The following PADI4 variants were observed in gnomAD, a reference collection of about 807,000 sequenced individuals.
PADI4 encodes the protein peptidyl arginine deiminase 4.
A neutral mutation model predicts 75.0 loss-of-function variants in PADI4; 62 were observed. That is an observed-to-expected ratio of 0.83 (90% CI 0.67 to 1.02). The LOEUF (loss-of-function observed/expected upper bound fraction) is 1.02. Among genes scored for constraint, PADI4 ranks in the 50% least tolerant of loss-of-function variants. The probability of loss-of-function intolerance (pLI) is 0.00; values close to 1 mark genes in which losing one functional copy is unlikely to be tolerated. For missense variants in PADI4, 845 were observed against 850.5 expected, an observed-to-expected ratio of 0.99 and a Z score of 0.08; for synonymous variants, 361 against 348.1, an observed-to-expected ratio of 1.04 and a Z score of -0.41.
rs1256806215 is a variant in PADI4 at position 17,346,307 on chromosome 1, A to C, written c.1047+168A>C. Among the ~76,000 whole-genome samples, 2 of 152,160 alleles carry C rather than the reference A, an allele frequency of 1.3e-5. No individual in the cohort carries two copies. Among genetic ancestry groups the C allele is most frequent in the Admixed American group, 1.3e-4 (2 of 15,276 alleles). On this transcript the variant is annotated intron_variant, in intron 9 of 15. Transcript: ENST00000375448. The surrounding 1 kb of genome is among the most constrained non-coding windows in gnomAD (Gnocchi z 4.3). ...TTGGGCCGGGAGGCTCAAGCAAGTGATTCATCTGACGTTTGCTGTGGGCCA... is the reference window on the plus strand; with the variant it reads ...TTGGGCCGGGAGGCTCAAGCAAGTGCTTCATCTGACGTTTGCTGTGGGCCA...
At chr1:17,354,407 A>C in intron 10 of PADI4, 126 bp from the exon 11 acceptor site, 1 of 782,768 alleles carries the variant, frequency 1.3e-6, no homozygotes, top group Non-Finnish European at 2.3e-6. Flanking sequence ...AGCACCTGCT[A>C]TGTGCCAGCT....
chr1:17,361,631 G>A (rs534672523), intron 15 of PADI4, among the ~76,000 whole-genome samples: 9 of 152,338 alleles, frequency 5.9e-5, no homozygotes, highest in African/African-American at 1.7e-4. Context: ...CATTGCAACG[G>A]AGATATGTGT....
At position 17,363,797 on chromosome 1, in the gene PADI4, G is replaced by A. The variant is rs367933628; in HGVS notation, c.*42G>A. 1.1e-5 allele frequency: 15 copies of A among 1,412,058 alleles called. No homozygotes were observed. Among genetic ancestry groups the A allele is most frequent in the South Asian group, 2.3e-5 (2 of 85,628 alleles). The allele number at this position is 1,412,058 out of a possible 1,614,324, so 87.5% of individuals were successfully genotyped here. ...GTCCTCTCCCTCCTGGCCAGATGTC[G>A]CTGGGTCCTCTGCAGTGTGGCAAGC... On this transcript the variant is annotated 3_prime_UTR_variant, in exon 16 of 16. Transcript: ENST00000375448.
rs368873178 is a variant in PADI4, at chr1:17,341,934, C to G, written c.653-9C>G. The G allele has an allele frequency of 6.2e-7, 1 of 1,611,010 alleles. No individual in the cohort carries two copies. The highest frequency in any genetic ancestry group is 1.3e-5 in the African/African-American group (1 of 74,914). On this transcript the variant is annotated splice_polypyrimidine_tract_variant and intron_variant, in intron 6 of 15. Transcript: ENST00000375448. ...ACGCAGACCTGAGTCTCCCCTGCCT[C>G]TCTCCTAGGGGGCAAACTGTCCTCC...
intron 8 of PADI4, among the ~76,000 whole-genome samples, chr1:17,344,662 G>A (rs982535116): frequency 3.9e-5 from 6 of 151,994 alleles, no homozygotes; most frequent in African/African-American, 1.4e-4. Context: ...CTCAGGCTGT[G>A]GCTTCAGAGG....
chr1:17,340,826 A>G (rs1570049720), intron 6 of PADI4, among the ~76,000 whole-genome samples: 2 of 125,844 alleles, frequency 1.6e-5, no homozygotes, highest in African/African-American at 6.3e-5. Context: ...TTTTTGAGAG[A>G]GTCTCACTCT....
chr1:17,346,188 G>A lies in PADI4; in HGVS notation c.1047+49G>A. On this transcript the variant is annotated intron_variant, in intron 9 of 15. Transcript: ENST00000375448. The surrounding 1 kb of genome is among the most constrained non-coding windows in gnomAD (Gnocchi z 4.3). ...GGGTGACTGTCCCTGAGGGCCAAGA[G>A]ACACTTGGGGGACCCGGGCTCCTGG... 3 of 1,248,902 alleles carry A rather than the reference G, an allele frequency of 2.4e-6. No homozygotes were observed. The highest frequency in any genetic ancestry group is 3.5e-6 in the Non-Finnish European group (3 of 854,002). 77.4% of individuals were successfully genotyped at this position (1,248,902 alleles called of 1,614,324 possible).
chr1:17,341,819 C>G lies in PADI4; in HGVS notation c.653-124C>G, dbSNP rs537393970. ...TAAGGGGACTGGCCAGATTTGGCTG[C>G]AAGGGGTTCTCTGATGGTGCCATGT... On this transcript the variant is annotated intron_variant, in intron 6 of 15. Coordinates refer to ENST00000375448, the MANE Select transcript of PADI4 (RefSeq NM_012387.3). 1.1e-4 allele frequency: 74 copies of G among 684,268 alleles called. 1 individual carries two copies. The highest frequency in any genetic ancestry group is 1.1e-3 in the African/African-American group (59 of 55,544). The allele number at this position is 684,268 out of a possible 1,614,324, so 42.4% of individuals were successfully genotyped here. A position where few individuals can be genotyped will look rare whatever the true frequency, so the allele number is the denominator to read the frequency against.
intron 1 of PADI4, among the ~76,000 whole-genome samples, chr1:17,310,789 C>A (rs868763762): frequency 6.6e-6 from 1 of 152,134 alleles, no homozygotes; most frequent in Middle Eastern, 3.4e-3. Flanking sequence ...GGGGAAACCC[C>A]GTCTCTACTA....
chr1:17,320,861 G>T (rs943661115), intron 1 of PADI4, among the ~76,000 whole-genome samples: 4 of 152,176 alleles, frequency 2.6e-5, no homozygotes, highest in African/African-American at 9.7e-5. Flanking sequence ...CTTATTTTAT[G>T]CAACCCCTAT....
intron 1 of PADI4, among the ~76,000 whole-genome samples, chr1:17,319,557 G>C (rs565133285): frequency 3.3e-5 from 5 of 152,036 alleles, no homozygotes; most frequent in African/African-American, 1.2e-4. Context: ...AAAGACAGAG[G>C]GTGTATTAGT....
chr1:17,352,077 G>A (rs1217455319), intron 10 of PADI4, among the ~76,000 whole-genome samples: 17 of 135,542 alleles, frequency 1.3e-4, no homozygotes, highest in African/African-American at 4.0e-4. Flanking sequence ...TGGGAAGAGA[G>A]GCAGTCAGGG....
In PADI4 at chr1:17,348,063, TGGGGA is replaced by T; in HGVS notation, c.1155+20_1155+24del. The T allele has an allele frequency of 2.0e-6, 3 of 1,512,298 alleles. No individual in the cohort carries two copies. The highest frequency in any genetic ancestry group is 2.8e-6 in the Non-Finnish European group (3 of 1,088,132). The allele number at this position is 1,512,298 out of a possible 1,614,324, so 93.7% of individuals were successfully genotyped here. On this transcript the variant is annotated intron_variant, in intron 10 of 15. Coordinates refer to ENST00000375448, the MANE Select transcript of PADI4 (RefSeq NM_012387.3). ...AACGCGTGATGGTACCTGCATGGGGTGGGGAGGGGGCACAGCTGCCGAAACCCTCT... is the reference window on the plus strand; with the variant it reads ...AACGCGTGATGGTACCTGCATGGGGTGGGGGCACAGCTGCCGAAACCCTCT...
At chr1:17,341,021 G>A (rs1457321603) in intron 6 of PADI4, among the ~76,000 whole-genome samples, 1 of 150,900 alleles carries the variant, frequency 6.6e-6, no homozygotes, top group Non-Finnish European at 1.5e-5. Context: ...GACAGGTCTC[G>A]AACTCCTGAC....
In PADI4 at chr1:17,358,876, A is replaced by C. The variant is rs1219431787; in HGVS notation, c.1597A>C (p.Lys533Gln). Residue 533 changes from lysine (K) to glutamine (Q), a missense_variant, in exon 14 of 16, where the codon AAG (lysine) becomes CAG (glutamine). Lys to Gln is a moderately conservative substitution (Grantham distance 53). Transcript: ENST00000375448. Reference protein sequence around the residue: ...QQKIKNILSNKTLREHNSFVE... With the variant: ...QQKIKNILSNQTLREHNSFVE... ...GAAAATAAAGAACATTCTGTCAAAC[A>C]AGACATTGAGAGAACATAATTCATT... is the stretch of plus-strand genomic sequence containing the variant. 2.5e-6 allele frequency: 4 copies of C among 1,608,822 alleles called. No individual in the cohort carries two copies. Among genetic ancestry groups the C allele is most frequent in the Non-Finnish European group, 3.4e-6 (4 of 1,177,058 alleles).
intron 3 of PADI4, 27 bp from the exon 4 acceptor site, chr1:17,336,132 C>T (rs745958672): frequency 6.4e-7 from 1 of 1,573,444 alleles, no homozygotes; most frequent in Non-Finnish European, 8.8e-7. Context: ...CCTCACCAAC[C>T]TCTCCTCTTA....
At chr1:17,310,608 G>A (rs2073805679) in intron 1 of PADI4, among the ~76,000 whole-genome samples, 1 of 151,574 alleles carries the variant, frequency 6.6e-6, no homozygotes, top group South Asian at 2.1e-4. Flanking sequence ...CTGGGTGACA[G>A]AGTAAGACTC....
rs1275080963 is a variant in PADI4, at chr1:17,347,958, C to T, written c.1065C>T (p.Gly355=). The T allele has an allele frequency of 1.2e-5, 19 of 1,590,080 alleles. 1 individual carries two copies. The African/African-American group carries it at 2.0e-4, about 17-fold the overall frequency. The part of the protein sequence containing the change: ...DQWMQDEMEI[G]YIQAPHKTLP... ...TCCCACAGGATGAAATGGAGATCGG[C>T]TACATCCAAGCCCCACACAAAACGC... Residue 355 remains glycine (G), a synonymous_variant, in exon 10 of 16, where the codon GGC becomes GGT. Transcript: ENST00000375448.
chr1:17,310,232 A>G (rs1307034282), intron 1 of PADI4, among the ~76,000 whole-genome samples: 9 of 152,162 alleles, frequency 5.9e-5, no homozygotes, highest in Non-Finnish European at 1.0e-4. Flanking sequence ...CAAAAGAGGA[A>G]ACAGAGGCTC....
Sources: allele counts gnomAD v4.1 joint callset (sites outside exome capture counted in the v4.1 genomes callset), GRCh38; gene constraint gnomAD v4.1.1; non-coding constraint Gnocchi (gnomAD v3.1); transcripts MANE v1.5; gene names NCBI Gene and HGNC (gene_info 2026-07-23, HGNC 2026-07-21).